Variants in SIRT1 observed in about 807,000 individuals in gnomAD.
SIRT1 encodes NAD-dependent protein deacetylase sirtuin-1.
Under a neutral mutation model 67.9 loss-of-function variants are expected in SIRT1, and 24 were observed. That is an observed-to-expected ratio of 0.35 (90% CI 0.26 to 0.50). The LOEUF (loss-of-function observed/expected upper bound fraction) is 0.50. SIRT1 is among the 20% of genes least tolerant of loss of function. SIRT1 has a pLI of 0.98. For synonymous variants in SIRT1, 378 were observed against 350.7 expected (o/e 1.08, Z -0.87); for missense variants, 873 against 937.2 (o/e 0.93, Z 0.89).
At chr10:67,914,698 A>AT (rs760972675) in intron 8 of SIRT1, among the ~76,000 whole-genome samples, 13 of 151,080 alleles carry the variant, frequency 8.6e-5, no homozygotes, top group African/African-American at 1.9e-4. Context: ...TGGAACAGTC[A>AT]TTTTTTTTTA....
intron 1 of SIRT1, 96 bp downstream of exon 1, chr10:67,885,247 C>A: frequency 1.6e-6 from 2 of 1,254,546 alleles, no homozygotes; most frequent in Non-Finnish European, 1.0e-6. Flanking sequence ...GGGCTCGGGG[C>A]AGGCTCCGCG....
In SIRT1 at chr10:67,888,999, A is replaced by G; in HGVS notation, c.665A>G (p.Gln222Arg). ...PPELDDMTLWQIVINILSEPP... is the reference protein window; with the variant it reads ...PPELDDMTLWRIVINILSEPP... ...GAGTTGGATGATATGACACTGTGGC[A>G]GATTGTTATTAATATCCTTTCAGAA... The change falls in exon 3 of 9, where the codon CAG becomes CGG. Residue 222 changes from glutamine to arginine, a missense_variant. Transcript: ENST00000212015. 6.2e-7 allele frequency: 1 copy of G among 1,613,998 alleles called. No homozygotes were observed. The highest frequency in any genetic ancestry group is 1.1e-5 in the South Asian group (1 of 91,052).
chr10:67,912,547 GCTT>G lies in SIRT1; in HGVS notation c.1435_1437del (p.Leu479del), dbSNP rs1251694158. 6.2e-7 allele frequency: 1 copy of G among 1,613,934 alleles called. No homozygotes were observed. Among genetic ancestry groups the G allele is most frequent in the Non-Finnish European group, 8.5e-7 (1 of 1,180,040 alleles). On this transcript the variant is annotated inframe_deletion, in exon 8 of 9. Transcript: ENST00000212015. Reference sequence around the variant, plus strand: ...TGCCTCATCTGCATTTTGATGTAGAGCTTCTTGGAGACTGTGATGTCATAATTA... The same window carrying G: ...TGCCTCATCTGCATTTTGATGTAGAGCTTGGAGACTGTGATGTCATAATTA...
chr10:67,891,632 G>C, intron 4 of SIRT1, 78 bp downstream of exon 4: 1 of 1,423,694 alleles, frequency 7.0e-7, no homozygotes, highest in Non-Finnish European at 9.7e-7. Flanking sequence ...CCACCTTAAG[G>C]TTATCGTTCA....
At chr10:67,916,238 A>T in intron 8 of SIRT1, 27 bp from the exon 9 acceptor site, 1 of 1,573,958 alleles carries the variant, frequency 6.4e-7, no homozygotes. Flanking sequence ...GAAAACTGAA[A>T]GTAACATTTT....
intron 4 of SIRT1, among the ~76,000 whole-genome samples, chr10:67,902,231 C>T (rs954923271): frequency 2.0e-5 from 3 of 152,150 alleles, no homozygotes; most frequent in Admixed American, 1.3e-4. Context: ...TCAGGTGATC[C>T]GCCTGCCTCA....
intron 3 of SIRT1, among the ~76,000 whole-genome samples, chr10:67,890,683 T>C (rs1270773621): frequency 1.3e-5 from 2 of 151,926 alleles, no homozygotes; most frequent in Non-Finnish European, 2.9e-5. Flanking sequence ...TAATGAGCCA[T>C]GATGGCACCA....
chr10:67,891,250 A>C, intron 3 of SIRT1, 152 bp from the exon 4 acceptor site: 1 of 547,690 alleles, frequency 1.8e-6, no homozygotes, highest in Non-Finnish European at 3.1e-6. Flanking sequence ...TTATTTCTGA[A>C]ATAAGGGTAG....
intron 8 of SIRT1, among the ~76,000 whole-genome samples, chr10:67,914,663 CTT>C (rs2029869826): frequency 6.6e-6 from 1 of 152,080 alleles, no homozygotes; most frequent in African/African-American, 2.4e-5. Context: ...CGGACAATCT[CTT>C]TGCCCAGGAA....
rs1420934208 is a variant in SIRT1, at chr10:67,917,842, G to A, written c.*1249G>A. On this transcript the variant is annotated 3_prime_UTR_variant, in exon 9 of 9. Transcript: ENST00000212015. ...GAGATCAACTTTCTCAGCTGCAAAA[G>A]CTTCTAGTCTTTCAAGAAGTTCATA... 1 of 152,560 alleles carries A rather than the reference G, an allele frequency of 6.6e-6. No individual in the cohort carries two copies. Among genetic ancestry groups the A allele is most frequent in the African/African-American group, 2.4e-5 (1 of 41,456 alleles). 9.5% of individuals were successfully genotyped at this position (152,560 alleles called of 1,614,324 possible). A position where few individuals can be genotyped will look rare whatever the true frequency, so the allele number is the denominator to read the frequency against.
chr10:67,890,002 C>T (rs1028303950), intron 3 of SIRT1, among the ~76,000 whole-genome samples: 1 of 148,286 alleles, frequency 6.7e-6, no homozygotes, highest in Non-Finnish European at 1.5e-5. Context: ...TTTTTGGATA[C>T]AGGGTCTTGC....
chr10:67,888,744 G>A (rs1008286461), intron 2 of SIRT1, 138 bp from the exon 3 acceptor site: 6 of 908,440 alleles, frequency 6.6e-6, no homozygotes, highest in Admixed American at 2.6e-5. Flanking sequence ...TGAGTGTACC[G>A]AGAATGAAAT....
At position 67,887,506 on chromosome 10, in the gene SIRT1, A is replaced by C. The variant is rs758805613; in HGVS notation, c.520A>C (p.Ser174Arg). 1 of 1,612,968 alleles carries C rather than the reference A, an allele frequency of 6.2e-7. No homozygotes were observed. The highest frequency in any genetic ancestry group is 1.1e-5 in the South Asian group (1 of 91,060). ...GGATAGAGCCTCACATGCAAGCTCT[A>C]GTGACTGGACTCCAAGGCCACGGAT... ...EEDRASHASS[S>R]DWTPRPRIGP... The change falls in exon 2 of 9, where the codon AGT (serine) becomes CGT (arginine). Residue 174 changes from serine (S) to arginine (R), a missense_variant. Ser to Arg is a moderately radical substitution (Grantham distance 110). Around this residue, in one of 3 missense-constraint regions of SIRT1, gnomAD observed 327 missense variants for 283.9 expected, o/e 1.15. Transcript: ENST00000212015.
In SIRT1 at chr10:67,884,708, G is replaced by A. The variant is rs201727822; in HGVS notation, c.-14G>A. On this transcript the variant is annotated 5_prime_UTR_variant, in exon 1 of 9. Transcript: ENST00000212015. ...GAGGAGGCGAGGGAGGAGGGCCAGAGAGGCAGTTGGAAGATGGCGGACGAG... is the reference window on the plus strand; with the variant it reads ...GAGGAGGCGAGGGAGGAGGGCCAGAAAGGCAGTTGGAAGATGGCGGACGAG... 7.3e-4 allele frequency: 901 copies of A among 1,228,880 alleles called. No homozygotes were observed. Among genetic ancestry groups the A allele is most frequent in the Admixed American group, 9.7e-4 (23 of 23,622 alleles). The allele number at this position is 1,228,880 out of a possible 1,614,324, so 76.1% of individuals were successfully genotyped here. A position where few individuals can be genotyped will look rare whatever the true frequency, so the allele number is the denominator to read the frequency against.
At chr10:67,889,898 C>CT (rs1177308633) in intron 3 of SIRT1, among the ~76,000 whole-genome samples, 3 of 151,944 alleles carry the variant, frequency 2.0e-5, no homozygotes, top group African/African-American at 7.3e-5. Flanking sequence ...TCTGAAATCT[C>CT]TATTTGAAAT....
At position 67,917,776 on chromosome 10, in the gene SIRT1, T is replaced by C. The variant is rs1197148526; in HGVS notation, c.*1183T>C. The C allele has an allele frequency of 1.3e-5, 2 of 152,648 alleles. No homozygotes were observed. Among genetic ancestry groups the C allele is most frequent in the African/African-American group, 4.8e-5 (2 of 41,466 alleles). 9.5% of individuals were successfully genotyped at this position (152,648 alleles called of 1,614,324 possible). On this transcript the variant is annotated 3_prime_UTR_variant, in exon 9 of 9. Transcript: ENST00000212015. ...AGTTAATGAATGAAACTAGTTCTTA[T>C]AATTTATCTTTATTTAAAAGCTTAG...
chr10:67,885,100 G>T lies in SIRT1; in HGVS notation c.379G>T (p.Asp127Tyr). The T allele has an allele frequency of 2.8e-6, 4 of 1,448,174 alleles. No individual in the cohort carries two copies. The highest frequency in any genetic ancestry group is 3.7e-6 in the Non-Finnish European group (4 of 1,094,048). The allele number at this position is 1,448,174 out of a possible 1,614,324, so 89.7% of individuals were successfully genotyped here. A position where few individuals can be genotyped will look rare whatever the true frequency, so the allele number is the denominator to read the frequency against. ...ADNLYDEDDD[D>Y]EGEEEEEAAA... The stretch of plus-strand genomic sequence containing the variant: ...CAACTTGTACGACGAAGACGACGAC[G>T]ACGAGGGCGAGGAGGAGGAAGAGGC... Residue 127 changes from aspartate to tyrosine, a missense_variant, in exon 1 of 9, where the codon GAC becomes TAC. Coordinates refer to ENST00000212015, the MANE Select transcript of SIRT1 (RefSeq NM_012238.5).
intron 4 of SIRT1, among the ~76,000 whole-genome samples, chr10:67,900,617 T>TG (rs1231965949): frequency 6.7e-6 from 1 of 148,990 alleles, no homozygotes; most frequent in East Asian, 2.0e-4. Context: ...GCTGTTTCTT[T>TG]GTTTTTTTTA....
intron 4 of SIRT1, among the ~76,000 whole-genome samples, chr10:67,900,200 C>G (rs1842720464): frequency 6.6e-6 from 1 of 152,040 alleles, no homozygotes; most frequent in Non-Finnish European, 1.5e-5. Context: ...AGTTGGAGTG[C>G]AGTGGTGCCA....
Sources: allele counts gnomAD v4.1 joint callset (sites outside exome capture counted in the v4.1 genomes callset), GRCh38; gene constraint gnomAD v4.1.1; regional missense constraint gnomAD v4.1.1; transcripts MANE v1.5; gene names NCBI Gene and HGNC (gene_info 2026-07-23, HGNC 2026-07-21).